ZNF704: variants seen among roughly 807,000 people sequenced by gnomAD.
The protein encoded by ZNF704 is zinc finger protein 704.
In ZNF704, 10 loss-of-function variants were observed where a neutral mutation model predicts 44.7. The ratio of observed to expected loss-of-function variants is 0.22; its 90% confidence interval spans 0.14 to 0.38. The LOEUF is 0.38. Ranked by LOEUF, ZNF704 falls within the 10% of genes least tolerant of loss-of-function variation. ZNF704 has a pLI of 1.00. For synonymous variants in ZNF704, 211 were observed against 207.6 expected (o/e 1.02, Z -0.14); for missense variants, 390 against 545.5 (o/e 0.71, Z 2.84).
At chr8:80,747,052 C>T (rs1806858072) in intron 2 of ZNF704, among the ~76,000 whole-genome samples, 1 of 152,120 alleles carries the variant, frequency 6.6e-6, no homozygotes, top group Non-Finnish European at 1.5e-5. Flanking sequence ...CGAATATGTG[C>T]TTCATCTGGA....
intron 2 of ZNF704, among the ~76,000 whole-genome samples, chr8:80,723,448 G>A (rs1806409292): frequency 1.3e-5 from 2 of 151,320 alleles, no homozygotes; most frequent in Admixed American, 1.3e-4. Flanking sequence ...GTATGTGATT[G>A]GTAAAAAAAC....
chr8:80,802,998 T>TA (rs905331964), intron 2 of ZNF704, among the ~76,000 whole-genome samples: 13 of 151,256 alleles, frequency 8.6e-5, no homozygotes, highest in South Asian at 2.1e-4. Context: ...AGTCTCAAGA[T>TA]AAAAAAAAAT....
chr8:80,863,085 C>T (rs1040827774), intron 1 of ZNF704, among the ~76,000 whole-genome samples: 1 of 151,876 alleles, frequency 6.6e-6, no homozygotes, highest in Non-Finnish European at 1.5e-5. Flanking sequence ...TATGATAAAA[C>T]AAGACTACAT....
intron 2 of ZNF704, among the ~76,000 whole-genome samples, chr8:80,710,319 G>A (rs1818964397): frequency 6.6e-6 from 1 of 152,136 alleles, no homozygotes; most frequent in African/African-American, 2.4e-5. Flanking sequence ...CCACTGTTCA[G>A]CCTGTATATT....
intron 2 of ZNF704, among the ~76,000 whole-genome samples, chr8:80,746,014 AT>A (rs1170825662): frequency 6.6e-6 from 1 of 152,184 alleles, no homozygotes; most frequent in African/African-American, 2.4e-5. Context: ...CTTTCTCATG[AT>A]TGTTGTGAAG....
chr8:80,847,169 T>A (rs1808780680), intron 1 of ZNF704, among the ~76,000 whole-genome samples: 1 of 152,032 alleles, frequency 6.6e-6, no homozygotes, highest in South Asian at 2.1e-4. Flanking sequence ...TGAGACTCCA[T>A]CTTAAAAATA....
chr8:80,670,424 G>T, intron 5 of ZNF704, 79 bp downstream of exon 5: 1 of 999,670 alleles, frequency 1.0e-6, no homozygotes, highest in Non-Finnish European at 1.6e-6. Flanking sequence ...AAGGCACAGT[G>T]TGGTGTGCAA....
At chr8:80,712,891 TTTTGGTTTGG>T (rs919374556) in intron 2 of ZNF704, among the ~76,000 whole-genome samples, 2 of 151,912 alleles carry the variant, frequency 1.3e-5, no homozygotes, top group African/African-American at 4.8e-5. Flanking sequence ...TGTTTGTTTG[TTTTGGTTTGG>T]TTTGGTTTTT....
At chr8:80,766,622 TACTA>T (rs1358526271) in intron 2 of ZNF704, among the ~76,000 whole-genome samples, 1 of 152,222 alleles carries the variant, frequency 6.6e-6, no homozygotes, top group Non-Finnish European at 1.5e-5. Context: ...AATTTTCTAT[TACTA>T]ATTAATTACT....
At chr8:80,798,649 C>T (rs145871622) in intron 2 of ZNF704, among the ~76,000 whole-genome samples, 2,483 of 152,252 alleles carry the variant, frequency 0.016, 33 homozygotes, top group Middle Eastern at 0.054. Flanking sequence ...TCTTCTAAGC[C>T]TTCACCAGAA....
chr8:80,865,173 TG>T (rs1191914035), intron 1 of ZNF704, among the ~76,000 whole-genome samples: 1 of 152,208 alleles, frequency 6.6e-6, no homozygotes, highest in African/African-American at 2.4e-5. Context: ...GTTTTACAAA[TG>T]TTTCCTTTCT....
intron 7 of ZNF704, among the ~76,000 whole-genome samples, chr8:80,654,723 A>G (rs1475722554): frequency 2.6e-5 from 4 of 152,192 alleles, no homozygotes; most frequent in Admixed American, 2.6e-4. Context: ...AGAAACAGGA[A>G]CACTTTTACA....
At chr8:80,760,397 C>T (rs529303257) in intron 2 of ZNF704, among the ~76,000 whole-genome samples, 6 of 152,210 alleles carry the variant, frequency 3.9e-5, no homozygotes, top group Non-Finnish European at 8.8e-5. Context: ...GTGGCTCACA[C>T]CTGTAATCCC....
intron 1 of ZNF704, among the ~76,000 whole-genome samples, chr8:80,871,559 T>C (rs546452771): frequency 2.6e-5 from 4 of 152,358 alleles, no homozygotes; most frequent in Admixed American, 2.6e-4. Context: ...TGCTTATGCA[T>C]GTACATCTGC....
chr8:80,815,970 C>A (rs892629004), intron 2 of ZNF704, among the ~76,000 whole-genome samples: 1 of 152,200 alleles, frequency 6.6e-6, no homozygotes, highest in Non-Finnish European at 1.5e-5. Context: ...CCTGGTTCCC[C>A]AGCCTTCCCA....
chr8:80,722,720 T>C (rs1806393873), intron 2 of ZNF704, among the ~76,000 whole-genome samples: 1 of 152,238 alleles, frequency 6.6e-6, no homozygotes, highest in Admixed American at 6.5e-5. Flanking sequence ...TCAACTTCTA[T>C]GTACACTCTC....
At chr8:80,655,934 GC>G (rs1818007898) in intron 7 of ZNF704, among the ~76,000 whole-genome samples, 1 of 152,148 alleles carries the variant, frequency 6.6e-6, no homozygotes, top group Admixed American at 6.5e-5. Flanking sequence ...AGGTTGACTA[GC>G]TTATACTTGC....
At chr8:80,773,760 C>T (rs1397632580) in intron 2 of ZNF704, among the ~76,000 whole-genome samples, 2 of 152,034 alleles carry the variant, frequency 1.3e-5, no homozygotes, top group Non-Finnish European at 2.9e-5. Context: ...ATTTTTTTCA[C>T]CTCCATAGTT....
chr8:80,856,330 ATT>A (rs1005533138), intron 1 of ZNF704, among the ~76,000 whole-genome samples: 2 of 151,870 alleles, frequency 1.3e-5, no homozygotes, highest in African/African-American at 4.8e-5. Context: ...AATTGACTTG[ATT>A]TTTTTTGTTT....
Sources: gnomAD v4.1 joint callset for allele counts (sites outside exome capture counted in the v4.1 genomes callset) on GRCh38, gnomAD v4.1.1 for gene constraint, MANE v1.5 for transcripts, NCBI Gene and HGNC (gene_info 2026-07-23, HGNC 2026-07-21) for gene names.